The following PCNX2 variants were observed in gnomAD, a reference collection of about 807,000 sequenced individuals.
The protein encoded by PCNX2 is pecanex 2, also known as pecanex-like protein 2.
PCNX2 carries 168 observed loss-of-function variants against 223.8 expected under a neutral mutation model. The ratio of observed to expected loss-of-function variants is 0.75; its 90% CI spans 0.66 to 0.85. The LOEUF (loss-of-function observed/expected upper bound fraction) is 0.85. Among genes scored for constraint, PCNX2 ranks in the 40% least tolerant of loss-of-function variants. The pLI is 0.00. For missense variants in PCNX2, 2,507 were observed against 2,675.5 expected (o/e 0.94, Z 1.39); for synonymous variants, 1,006 against 1,052.6 (o/e 0.96, Z 0.86).
chr1:233,181,446 C>T (rs1679796794), intron 15 of PCNX2, among the ~76,000 whole-genome samples: 1 of 152,140 alleles, frequency 6.6e-6, no homozygotes, highest in Admixed American at 6.5e-5. Context: ...GATCTGCCTG[C>T]CTCGGCCTCG....
At position 233,258,568 on chromosome 1, in the gene PCNX2, T is replaced by A. The variant is rs774545732; in HGVS notation, c.1294A>T (p.Thr432Ser). 1.2e-6 allele frequency: 2 copies of A among 1,613,742 alleles called. No individual in the cohort carries two copies. Among genetic ancestry groups the A allele is most frequent in the South Asian group, 1.1e-5 (1 of 91,084 alleles). ...NAEQISIPVI[T>S]LDLPEGGGGG... The stretch of plus-strand genomic sequence containing the variant: ...CCCCCACCCTCAGGCAGGTCCAGGG[T>A]GATTACAGGAATTGAGATCTGCTCG... The change falls in exon 5 of 34, where the codon ACC (threonine) becomes TCC (serine). Residue 432 changes from threonine to serine, a missense_variant. Coordinates refer to ENST00000258229, the MANE Select transcript of PCNX2 (RefSeq NM_014801.4).
chr1:233,119,325 C>T (rs781444418), intron 21 of PCNX2, among the ~76,000 whole-genome samples: 4 of 139,514 alleles, frequency 2.9e-5, no homozygotes, highest in Non-Finnish European at 4.6e-5. Context: ...TTTGGGAGGG[C>T]GAGGTGGGCG....
intron 23 of PCNX2, among the ~76,000 whole-genome samples, chr1:233,066,161 C>A (rs1672600355): frequency 1.3e-5 from 2 of 152,218 alleles, no homozygotes; most frequent in African/African-American, 4.8e-5. Flanking sequence ...CTCTGCCTTA[C>A]TCAGTCTCTG....
At chr1:233,162,016 TTATA>T (rs1474128692) in intron 17 of PCNX2, among the ~76,000 whole-genome samples, 1 of 149,324 alleles carries the variant, frequency 6.7e-6, no homozygotes, top group African/African-American at 2.4e-5. Flanking sequence ...ATGTTTATAT[TTATA>T]TATATACATA....
At chr1:233,081,010 G>A (rs1673332577) in intron 23 of PCNX2, among the ~76,000 whole-genome samples, 1 of 152,146 alleles carries the variant, frequency 6.6e-6, no homozygotes. Flanking sequence ...TCAAGGGCAG[G>A]TCATAGCCTC....
Position 233,200,249 on chromosome 1 carries a change from A to G in PCNX2, c.2879T>C (p.Phe960Ser). The G allele has an allele frequency of 6.4e-7, 1 of 1,574,580 alleles. No individual in the cohort carries two copies. The highest frequency in any genetic ancestry group is 8.6e-7 in the Non-Finnish European group (1 of 1,158,624). The change falls in exon 14 of 34, where the codon TTC becomes TCC. Residue 960 changes from phenylalanine to serine, a missense_variant. Transcript: ENST00000258229. ...GAGCCCAAGGAGGGAAATAGCAGGG[A>G]AGCAATATAAAAATACTGAAAATGA... ...RDYLIVFLYC[F>S]PAISLLGLFP...
chr1:233,160,378 T>C lies in PCNX2; in HGVS notation c.3422A>G (p.His1141Arg), dbSNP rs377006937. 8 of 1,613,448 alleles carry C rather than the reference T, an allele frequency of 5.0e-6. No homozygotes were observed. The highest frequency in any genetic ancestry group is 1.3e-5 in the African/African-American group (1 of 74,906). The part of the protein sequence containing the change: ...ALAGAVGFVT[H>R]YVLPQLRKHH... Reference sequence around the variant, plus strand: ...CTTGCGGAGCTGAGGGAGCACGTAATGTGTTACAAACCCCACGGCTCCAGC... The same window carrying C: ...CTTGCGGAGCTGAGGGAGCACGTAACGTGTTACAAACCCCACGGCTCCAGC... Residue 1141 changes from histidine to arginine, a missense_variant, in exon 19 of 34, where the codon CAT becomes CGT. His to Arg is a conservative substitution (Grantham distance 29). This residue lies in a region of PCNX2 where 1,372 missense variants were observed against 1,509.4 expected (regional missense o/e 0.91). Coordinates refer to ENST00000258229, the MANE Select transcript of PCNX2 (RefSeq NM_014801.4).
At chr1:233,315,299 C>T in the PCNX2 span, among the ~76,000 whole-genome samples, 1,396 of 152,110 alleles carry the variant, frequency 9.2e-3, 8 homozygotes, top group Non-Finnish European at 0.015. Flanking sequence ...TGAAAGAAAC[C>T]GGAACTACAC....
At chr1:233,122,527 C>CT (rs58508596) in intron 21 of PCNX2, among the ~76,000 whole-genome samples, 78,726 of 145,564 alleles carry the variant, frequency 0.54, 22,684 homozygotes, top group African/African-American at 0.75. Flanking sequence ...TATTATATAT[C>CT]TTTTTTTTTT....
intron 23 of PCNX2, among the ~76,000 whole-genome samples, chr1:233,079,264 C>G (rs1000822551): frequency 1.1e-4 from 17 of 152,086 alleles, no homozygotes; most frequent in African/African-American, 4.1e-4. Context: ...GTGGCTTACA[C>G]CTGTAATTCC....
intron 23 of PCNX2, among the ~76,000 whole-genome samples, chr1:233,083,295 G>C (rs965573537): frequency 3.3e-5 from 5 of 152,168 alleles, no homozygotes; most frequent in African/African-American, 4.8e-5. Flanking sequence ...CTGAAAAAGA[G>C]GGTGGCAAAG....
chr1:233,273,190 AAT>A (rs199520488), intron 1 of PCNX2, among the ~76,000 whole-genome samples: 14,898 of 151,756 alleles, frequency 0.098, 881 homozygotes, highest in South Asian at 0.19. Flanking sequence ...ATAAAAAAAT[AAT>A]AATTTAAAAA....
chr1:233,124,804 T>C (rs1178893608), intron 21 of PCNX2, among the ~76,000 whole-genome samples: 1 of 152,238 alleles, frequency 6.6e-6, no homozygotes, highest in Non-Finnish European at 1.5e-5. Context: ...GCAAGGGCAG[T>C]AGACTAAATC....
At chr1:233,217,963 C>T (rs1657082830) in intron 11 of PCNX2, 32 bp from the exon 12 acceptor site, 4 of 1,613,468 alleles carry the variant, frequency 2.5e-6, no homozygotes, top group Admixed American at 1.7e-5. Context: ...TCTGTGTCAT[C>T]ATCTCATGAT....
At chr1:233,169,415 G>A (rs954181803) in intron 17 of PCNX2, among the ~76,000 whole-genome samples, 12 of 151,862 alleles carry the variant, frequency 7.9e-5, no homozygotes, top group African/African-American at 2.7e-4. Context: ...GGGAGGCCGA[G>A]ACGGGCGGAT....
At chr1:233,023,147 A>T (rs773287486) in intron 26 of PCNX2, among the ~76,000 whole-genome samples, 40 of 152,234 alleles carry the variant, frequency 2.6e-4, no homozygotes, top group Non-Finnish European at 3.1e-4. Context: ...CAGCCCCTGG[A>T]TCTAGCTGTT....
At chr1:233,157,563 A>G (rs1249409210) in intron 19 of PCNX2, among the ~76,000 whole-genome samples, 1 of 152,184 alleles carries the variant, frequency 6.6e-6, no homozygotes, top group Non-Finnish European at 1.5e-5. Context: ...TTTCCCAGTG[A>G]CAATATTCTG....
intron 21 of PCNX2, among the ~76,000 whole-genome samples, chr1:233,132,946 TG>T (rs1676589118): frequency 6.7e-6 from 1 of 149,618 alleles, no homozygotes; most frequent in Non-Finnish European, 1.5e-5. Flanking sequence ...TTACCCAGGC[TG>T]GAGTGCAGTG....
chr1:233,318,563 C>CTTTTT, the PCNX2 span, among the ~76,000 whole-genome samples: 465 of 92,260 alleles, frequency 5.0e-3, 1 homozygote, highest in Non-Finnish European at 6.5e-3. Flanking sequence ...TTTTCTTTTT[C>CTTTTT]TTTTTTTTTT....
Sources: gnomAD v4.1 joint callset for allele counts (sites outside exome capture counted in the v4.1 genomes callset) on GRCh38, gnomAD v4.1.1 for gene constraint, gnomAD v4.1.1 regional missense constraint, MANE v1.5 for transcripts, NCBI Gene and HGNC (gene_info 2026-07-23, HGNC 2026-07-21) for gene names.